CDH13: variants seen among roughly 807,000 people sequenced by gnomAD.
CDH13 encodes cadherin-13.
In CDH13, 24 loss-of-function variants were observed where a neutral mutation model predicts 63.8. That is an observed-to-expected ratio of 0.38 (90% CI 0.27 to 0.53). CDH13 has a LOEUF of 0.53. Among genes scored for constraint, CDH13 ranks in the 20% least tolerant of loss-of-function variants. The probability of loss-of-function intolerance (pLI) is 0.85; values close to 1 mark genes in which losing one functional copy is unlikely to be tolerated. For missense variants in CDH13, 1,049 were observed against 903.1 expected (o/e 1.16, Z -2.07); for synonymous variants, 503 against 355.3 (o/e 1.42, Z -4.67).
intron 5 of CDH13, among the ~76,000 whole-genome samples, chr16:83,318,108 G>A (rs1441668288): frequency 6.6e-6 from 1 of 152,160 alleles, no homozygotes; most frequent in African/African-American, 2.4e-5. Context: ...TAGAAAGATT[G>A]AAAAGATCCA....
At chr16:83,201,497 G>A (rs907884727) in intron 4 of CDH13, among the ~76,000 whole-genome samples, 6 of 151,878 alleles carry the variant, frequency 4.0e-5, no homozygotes, top group Non-Finnish European at 7.3e-5. Context: ...GGAGACCCAT[G>A]TGGTAAGGTC....
At chr16:82,677,227 GC>G (rs1914031084) in intron 1 of CDH13, among the ~76,000 whole-genome samples, 2 of 152,296 alleles carry the variant, frequency 1.3e-5, no homozygotes, top group East Asian at 3.9e-4. Flanking sequence ...GAAAGGTAAT[GC>G]AGACTCATTC....
chr16:82,758,880 T>C (rs2034724291), intron 1 of CDH13, among the ~76,000 whole-genome samples: 1 of 152,214 alleles, frequency 6.6e-6, no homozygotes, highest in East Asian at 1.9e-4. Context: ...TTTAGTCTCA[T>C]GTAAATCTCT....
intron 1 of CDH13, among the ~76,000 whole-genome samples, chr16:82,732,895 C>T (rs985021229): frequency 6.6e-6 from 1 of 152,124 alleles, no homozygotes; most frequent in Non-Finnish European, 1.5e-5. Context: ...GATGGGGAAA[C>T]TAGAGGGAAT....
chr16:83,160,267 G>C (rs1244479142), intron 4 of CDH13, among the ~76,000 whole-genome samples: 1 of 152,040 alleles, frequency 6.6e-6, no homozygotes, highest in Non-Finnish European at 1.5e-5. Flanking sequence ...GGTAATGAGG[G>C]AGGCTACATG....
At chr16:83,422,256 A>G (rs192707222) in intron 6 of CDH13, among the ~76,000 whole-genome samples, 26 of 152,322 alleles carry the variant, frequency 1.7e-4, no homozygotes, top group Admixed American at 1.4e-3. Context: ...ATGTTGTATC[A>G]TTGAACTAAA....
chr16:83,467,708 G>A (rs930189734), intron 6 of CDH13, among the ~76,000 whole-genome samples: 2 of 152,108 alleles, frequency 1.3e-5, no homozygotes, highest in Non-Finnish European at 1.5e-5. Flanking sequence ...CCTGGCTGCA[G>A]AACACAGCCC....
chr16:83,244,121 T>A (rs1373890526), intron 5 of CDH13, among the ~76,000 whole-genome samples: 1 of 152,052 alleles, frequency 6.6e-6, no homozygotes, highest in Non-Finnish European at 1.5e-5. Flanking sequence ...CCTCTTTTTT[T>A]CAGCATCCAT....
At chr16:82,943,222 T>C (rs556261049) in intron 2 of CDH13, among the ~76,000 whole-genome samples, 1 of 152,304 alleles carries the variant, frequency 6.6e-6, no homozygotes, top group South Asian at 2.1e-4. Flanking sequence ...ACTTTTTTTC[T>C]CATGCATAGA....
intron 1 of CDH13, among the ~76,000 whole-genome samples, chr16:82,814,061 G>T (rs527880713): frequency 5.3e-4 from 80 of 152,184 alleles, no homozygotes; most frequent in Non-Finnish European, 1.0e-3. Context: ...GACCCTGAGG[G>T]TTTTATAGTT....
intron 4 of CDH13, among the ~76,000 whole-genome samples, chr16:83,136,797 C>G (rs11864164): frequency 0.041 from 6,210 of 152,192 alleles, 383 homozygotes; most frequent in African/African-American, 0.14. Context: ...TGCAGGTTCC[C>G]AGATTCGTAG....
chr16:83,700,981 AAAC>A (rs1419365730), intron 10 of CDH13, among the ~76,000 whole-genome samples: 9 of 152,150 alleles, frequency 5.9e-5, no homozygotes, highest in African/African-American at 2.2e-4. Context: ...CTTCTCAATA[AAAC>A]AACATTCTTC....
chr16:82,702,394 G>A (rs1160643610), intron 1 of CDH13, among the ~76,000 whole-genome samples: 1 of 152,188 alleles, frequency 6.6e-6, no homozygotes, highest in Non-Finnish European at 1.5e-5. Context: ...GCTAGACACT[G>A]ACAGTGTGAC....
At chr16:82,807,984 T>C (rs2037237417) in intron 1 of CDH13, among the ~76,000 whole-genome samples, 1 of 152,184 alleles carries the variant, frequency 6.6e-6, no homozygotes, top group South Asian at 2.1e-4. Context: ...AGACAGAATA[T>C]TCCCCAATTA....
intron 6 of CDH13, among the ~76,000 whole-genome samples, chr16:83,470,041 T>C (rs2073415409): frequency 6.6e-6 from 1 of 152,192 alleles, no homozygotes; most frequent in South Asian, 2.1e-4. Flanking sequence ...CAGGCAACTA[T>C]TACAGTACAA....
At chr16:83,418,716 A>G (rs1280253539) in intron 6 of CDH13, among the ~76,000 whole-genome samples, 1 of 152,172 alleles carries the variant, frequency 6.6e-6, no homozygotes, top group Non-Finnish European at 1.5e-5. Flanking sequence ...GACAGAGAAT[A>G]TCATGGTGAT....
Position 83,413,081 on chromosome 16 carries a change from A to G in CDH13, c.781+68075A>G, listed in dbSNP as rs368053366. 2.3e-3 allele frequency among the ~76,000 whole-genome samples: 343 copies of G among 152,362 alleles called. 14 individuals carry two copies. The South Asian group carries it at 0.066, about 29-fold the overall frequency. ...TGGCTGTTTTTACTTAATACATCATAGCATCAAACAGTGGTAATGCCATTT... is the reference window on the plus strand; with the variant it reads ...TGGCTGTTTTTACTTAATACATCATGGCATCAAACAGTGGTAATGCCATTT... On this transcript the variant is annotated intron_variant, in intron 6 of 13. Transcript: ENST00000567109.
chr16:83,134,100 A>G (rs1345429958), intron 4 of CDH13, among the ~76,000 whole-genome samples: 1 of 152,250 alleles, frequency 6.6e-6, no homozygotes, highest in Non-Finnish European at 1.5e-5. Flanking sequence ...GGATATTTCC[A>G]GCAAATTTTA....
chr16:82,946,712 C>T (rs573845323), intron 2 of CDH13, among the ~76,000 whole-genome samples: 2 of 146,354 alleles, frequency 1.4e-5, no homozygotes, highest in African/African-American at 5.2e-5. Context: ...CAGAATGAAA[C>T]TCTGTCTCAA....
Sources: gnomAD v4.1 joint callset for allele counts (sites outside exome capture counted in the v4.1 genomes callset) on GRCh38, gnomAD v4.1.1 for gene constraint, MANE v1.5 for transcripts, NCBI Gene and HGNC (gene_info 2026-07-23, HGNC 2026-07-21) for gene names.